CYB5R4: variants seen among roughly 807,000 people sequenced by gnomAD.
The protein encoded by CYB5R4 is cytochrome b5 reductase 4.
In CYB5R4, 55 loss-of-function variants were observed where a neutral mutation model predicts 70.2. That is an observed-to-expected ratio of 0.78 (90% CI 0.63 to 0.98). The LOEUF (loss-of-function observed/expected upper bound fraction) is 0.98, where lower values mean the gene tolerates loss of function less well. Among genes scored for constraint, CYB5R4 ranks in the 50% least tolerant of loss-of-function variants. The pLI is 0.00. For missense variants in CYB5R4, 562 were observed against 612.6 expected (o/e 0.92, Z 0.87); for synonymous variants, 197 against 199.5 (o/e 0.99, Z 0.11).
intron 14 of CYB5R4, among the ~76,000 whole-genome samples, chr6:83,947,509 A>T (rs1379450451): frequency 6.6e-6 from 1 of 152,228 alleles, no homozygotes; most frequent in African/African-American, 2.4e-5. Flanking sequence ...TTCATGACTA[A>T]AACTCCAAAA....
At position 83,940,540 on chromosome 6, in the gene CYB5R4, A is replaced by G. The variant is rs778161205; in HGVS notation, c.1285A>G (p.Lys429Glu). The change falls in exon 14 of 16, where the codon AAA (lysine) becomes GAA (glutamate). Residue 429 changes from lysine (K) to glutamate (E), a missense_variant. By Grantham distance (56) the Lys-to-Glu change is moderately conservative. Transcript: ENST00000369681. ...GAAAGTGAAGCTGATGTTCTTCAAT[A>G]AAACAGAAGATGATATAATTTGGAG... is the stretch of plus-strand genomic sequence containing the variant. ...LRKVKLMFFN[K>E]TEDDIIWRSQ... 6 of 1,592,514 alleles carry G rather than the reference A, an allele frequency of 3.8e-6. No homozygotes were observed. In the South Asian group the frequency reaches 5.8e-5, roughly 15 times the overall value.
chr6:83,930,106 C>G (rs779499207), intron 10 of CYB5R4, among the ~76,000 whole-genome samples: 2 of 152,136 alleles, frequency 1.3e-5, no homozygotes, highest in Admixed American at 6.6e-5. Context: ...CAGTATATTA[C>G]TAAAAAATGC....
intron 15 of CYB5R4, among the ~76,000 whole-genome samples, chr6:83,957,152 T>G (rs557964795): frequency 1.0e-3 from 157 of 152,172 alleles, no homozygotes; most frequent in African/African-American, 3.5e-3. Context: ...TGTGTAAACT[T>G]TTGCTCTTTT....
chr6:83,951,168 T>C (rs1202058901), intron 14 of CYB5R4, among the ~76,000 whole-genome samples: 1 of 152,226 alleles, frequency 6.6e-6, no homozygotes, highest in Non-Finnish European at 1.5e-5. Context: ...TGTTCAGTCA[T>C]GTGAGCATAC....
intron 2 of CYB5R4, among the ~76,000 whole-genome samples, chr6:83,883,077 A>T (rs2099459718): frequency 1.3e-5 from 2 of 152,200 alleles, no homozygotes; most frequent in South Asian, 4.1e-4. Context: ...TGAAAAATAC[A>T]TGAAATAACA....
intron 8 of CYB5R4, among the ~76,000 whole-genome samples, chr6:83,921,989 A>G (rs2099466453): frequency 1.3e-5 from 2 of 152,178 alleles, no homozygotes; most frequent in South Asian, 4.1e-4. Context: ...TTTTTTTTCA[A>G]TAACTGAATG....
chr6:83,926,659 G>C (rs901943913), intron 10 of CYB5R4, among the ~76,000 whole-genome samples: 8 of 152,122 alleles, frequency 5.3e-5, no homozygotes, highest in Admixed American at 4.6e-4. Flanking sequence ...TTCAACATAT[G>C]TGTTTGGTGA....
intron 2 of CYB5R4, among the ~76,000 whole-genome samples, chr6:83,871,087 C>T (rs1204702751): frequency 6.6e-6 from 1 of 151,206 alleles, no homozygotes; most frequent in Non-Finnish European, 1.5e-5. Flanking sequence ...AGCGAGTCTC[C>T]TGCCCCAGCC....
intron 2 of CYB5R4, among the ~76,000 whole-genome samples, chr6:83,891,120 G>T (rs1196166343): frequency 1.3e-5 from 2 of 151,694 alleles, no homozygotes; most frequent in Admixed American, 6.6e-5. Context: ...AATTTTTAGG[G>T]TTTTTTTGTA....
chr6:83,903,412 T>A (rs2099463304), intron 3 of CYB5R4, among the ~76,000 whole-genome samples: 1 of 152,234 alleles, frequency 6.6e-6, no homozygotes, highest in East Asian at 1.9e-4. Flanking sequence ...TGCTGTCAAA[T>A]TCATTTGGCT....
intron 12 of CYB5R4, among the ~76,000 whole-genome samples, chr6:83,937,289 A>G (rs2099469069): frequency 6.6e-6 from 1 of 152,102 alleles, no homozygotes; most frequent in African/African-American, 2.4e-5. Flanking sequence ...AAAAATAATA[A>G]AAAATAAAAA....
chr6:83,942,854 C>T (rs1008589055), intron 14 of CYB5R4, among the ~76,000 whole-genome samples: 2 of 152,068 alleles, frequency 1.3e-5, no homozygotes, highest in African/African-American at 2.4e-5. Context: ...CTGGGAAGTT[C>T]GGACTAAGCA....
rs150907584 is a variant in CYB5R4, at chr6:83,876,798, T to C, written c.229+12470T>C. Among the ~76,000 whole-genome samples the C allele has an allele frequency of 2.2e-3, 333 of 152,322 alleles. 2 individuals are homozygous for C. The highest frequency in any genetic ancestry group is 7.6e-3 in the African/African-American group (316 of 41,578). ...ATTTTACCATTTTCTGTGATTGTTA[T>C]TCCTTTTTGTTGATCCAGATTTCTG... On this transcript the variant is annotated intron_variant, in intron 2 of 15. Transcript: ENST00000369681.
intron 4 of CYB5R4, among the ~76,000 whole-genome samples, chr6:83,912,339 T>C (rs943943399): frequency 9.2e-5 from 14 of 152,202 alleles, no homozygotes; most frequent in Admixed American, 5.2e-4. Context: ...AATGTCCGTA[T>C]TATGTCAATA....
intron 2 of CYB5R4, among the ~76,000 whole-genome samples, chr6:83,891,285 T>G (rs927319165): frequency 5.9e-5 from 9 of 152,166 alleles, no homozygotes; most frequent in African/African-American, 1.7e-4. Flanking sequence ...ACCAAAACAT[T>G]AGTGTGACTT....
At position 83,954,450 on chromosome 6, in the gene CYB5R4, C is replaced by T. The variant is rs1047025483; in HGVS notation, c.1347-848C>T. Among the ~76,000 whole-genome samples the T allele has an allele frequency of 1.0e-3, 155 of 151,976 alleles. 2 individuals are homozygous for T. The highest frequency in any genetic ancestry group is 6.3e-4 in the Non-Finnish European group (43 of 67,992). ...GCAGGTTTGCTTGAAGGGTATATTG[C>T]GTGATGCTGAAATTTGGATTTCTAT... On this transcript the variant is annotated intron_variant, in intron 14 of 15. Transcript: ENST00000369681.
At chr6:83,939,116 G>T (rs2099469371) in intron 12 of CYB5R4, among the ~76,000 whole-genome samples, 2 of 152,138 alleles carry the variant, frequency 1.3e-5, no homozygotes, top group South Asian at 4.1e-4. Context: ...GATTACAGGT[G>T]TGAGCCACCA....
At chr6:83,882,709 C>G (rs2099459654) in intron 2 of CYB5R4, among the ~76,000 whole-genome samples, 1 of 152,142 alleles carries the variant, frequency 6.6e-6, no homozygotes, top group African/African-American at 2.4e-5. Context: ...TGATACAGGC[C>G]CGGCGTGGTG....
intron 2 of CYB5R4, among the ~76,000 whole-genome samples, chr6:83,867,291 C>T (rs1260940615): frequency 6.6e-6 from 1 of 152,130 alleles, no homozygotes; most frequent in Non-Finnish European, 1.5e-5. Flanking sequence ...AACAAAGGTA[C>T]AAACACAGGA....
Sources: gnomAD v4.1 joint callset for allele counts (sites outside exome capture counted in the v4.1 genomes callset) on GRCh38, gnomAD v4.1.1 for gene constraint, MANE v1.5 for transcripts, NCBI Gene and HGNC (gene_info 2026-07-23, HGNC 2026-07-21) for gene names.